Variants in DSCAM observed in about 807,000 individuals in gnomAD.
DSCAM encodes the protein cell adhesion molecule DSCAM.
In DSCAM, 47 loss-of-function variants were observed where a neutral mutation model predicts 217.7. The ratio of observed to expected loss-of-function variants is 0.22; its 90% CI spans 0.17 to 0.28. DSCAM has a LOEUF of 0.28. Among genes scored for constraint, DSCAM ranks in the 10% least tolerant of loss-of-function variants. DSCAM has a pLI of 1.00. For synonymous variants in DSCAM, 1,056 were observed against 1,015.3 expected, an observed-to-expected ratio of 1.04 and a Z score of -0.76; for missense variants, 2,080 against 2,618.3, an observed-to-expected ratio of 0.79 and a Z score of 4.49.
At chr21:40,118,884 G>C (rs534589070) in intron 20 of DSCAM, among the ~76,000 whole-genome samples, 1 of 152,306 alleles carries the variant, frequency 6.6e-6, no homozygotes, top group South Asian at 2.1e-4. Context: ...TGGAACTTCT[G>C]GGTATGGGTT....
At chr21:40,124,948 C>G (rs1457044553) in intron 19 of DSCAM, among the ~76,000 whole-genome samples, 1 of 152,118 alleles carries the variant, frequency 6.6e-6, no homozygotes, top group Non-Finnish European at 1.5e-5. Flanking sequence ...ACTTCTGGAT[C>G]AGTCTCATTT....
chr21:40,532,167 T>C (rs1438074352), intron 3 of DSCAM, among the ~76,000 whole-genome samples: 1 of 152,214 alleles, frequency 6.6e-6, no homozygotes, highest in East Asian at 1.9e-4. Flanking sequence ...TAATACTTTA[T>C]ATAAAAGAGG....
chr21:40,326,484 G>T (rs953710836), intron 8 of DSCAM, among the ~76,000 whole-genome samples: 1 of 152,192 alleles, frequency 6.6e-6, no homozygotes, highest in African/African-American at 2.4e-5. Context: ...AAATGGGGAC[G>T]CTAGAGATGG....
chr21:40,242,149 G>GT (rs376344223), intron 11 of DSCAM, among the ~76,000 whole-genome samples: 156 of 143,792 alleles, frequency 1.1e-3, no homozygotes, highest in East Asian at 2.3e-3. Flanking sequence ...GAACCTAAAA[G>GT]TTTTTTTTTT....
intron 8 of DSCAM, among the ~76,000 whole-genome samples, chr21:40,325,996 G>C (rs2123540910): frequency 6.6e-6 from 1 of 152,188 alleles, no homozygotes; most frequent in Non-Finnish European, 1.5e-5. Context: ...GGCAAACTAA[G>C]CATTCACTTT....
intron 2 of DSCAM, among the ~76,000 whole-genome samples, chr21:40,702,770 G>A (rs1489569899): frequency 6.6e-6 from 1 of 151,548 alleles, no homozygotes; most frequent in East Asian, 1.9e-4. Flanking sequence ...GGGCTTATTA[G>A]CTATAACTCT....
chr21:40,296,303 A>T (rs948262501), intron 9 of DSCAM, 129 bp from the exon 10 acceptor site: 2 of 1,143,656 alleles, frequency 1.7e-6, no homozygotes, highest in African/African-American at 3.2e-5. Context: ...ATGGGACAAT[A>T]AAAACACTAT....
intron 3 of DSCAM, among the ~76,000 whole-genome samples, chr21:40,436,319 G>C (rs963665812): frequency 6.6e-6 from 1 of 152,120 alleles, no homozygotes; most frequent in Non-Finnish European, 1.5e-5. Flanking sequence ...CCCCTGAGAT[G>C]GTTAGTTTAC....
At chr21:40,769,526 G>C (rs2091426508) in intron 1 of DSCAM, among the ~76,000 whole-genome samples, 3 of 152,182 alleles carry the variant, frequency 2.0e-5, no homozygotes, top group South Asian at 4.1e-4. Flanking sequence ...CCCTTTCAGA[G>C]AGTCCCAAAT....
intron 20 of DSCAM, among the ~76,000 whole-genome samples, chr21:40,107,385 CT>C (rs1389430248): frequency 3.3e-5 from 5 of 152,100 alleles, no homozygotes. Flanking sequence ...TGTTTTACTT[CT>C]GATTAATATG....
intron 3 of DSCAM, among the ~76,000 whole-genome samples, chr21:40,595,461 T>A (rs865795371): frequency 6.6e-6 from 1 of 151,896 alleles, no homozygotes. Flanking sequence ...AAAAGAGAAA[T>A]TGCTAGGGAA....
chr21:40,092,692 T>A (rs2089627061), intron 21 of DSCAM, among the ~76,000 whole-genome samples: 1 of 152,194 alleles, frequency 6.6e-6, no homozygotes, highest in South Asian at 2.1e-4. Context: ...TTTTGGTAAA[T>A]CCCACAGCTC....
At chr21:40,128,009 T>C (rs966539914) in intron 19 of DSCAM, among the ~76,000 whole-genome samples, 1 of 151,878 alleles carries the variant, frequency 6.6e-6, no homozygotes, top group African/African-American at 2.4e-5. Context: ...TCTCTCAGGT[T>C]CTAGCACACG....
At chr21:40,519,617 A>G (rs917591858) in intron 3 of DSCAM, among the ~76,000 whole-genome samples, 3 of 152,130 alleles carry the variant, frequency 2.0e-5, no homozygotes, top group Non-Finnish European at 4.4e-5. Flanking sequence ...TAGTGTGAGG[A>G]AGAAATTTCT....
In DSCAM at chr21:40,142,601, G is replaced by A. The variant is rs2090305797; in HGVS notation, c.3363C>T (p.Leu1121=). The change falls in exon 18 of 33, where the codon CTC becomes CTT. Residue 1121 remains leucine, a synonymous_variant. Transcript: ENST00000400454. ...CCCAGTAAATGACTCTGAACCCCTG[G>A]AGAATTCCATTCAAGGCTTCCTTGG... The part of the protein sequence containing the change: ...TLSKEALNGI[L]QGFRVIYWAN... 6.2e-7 allele frequency: 1 copy of A among 1,613,952 alleles called. No individual in the cohort carries two copies. The highest frequency in any genetic ancestry group is 8.5e-7 in the Non-Finnish European group (1 of 1,180,024).
chr21:40,594,136 T>C (rs2077003693), intron 3 of DSCAM, among the ~76,000 whole-genome samples: 1 of 152,152 alleles, frequency 6.6e-6, no homozygotes, highest in South Asian at 2.1e-4. Context: ...ATAAGGCCTG[T>C]AGGAAGATGC....
intron 1 of DSCAM, among the ~76,000 whole-genome samples, chr21:40,821,545 G>A (rs1194976673): frequency 1.3e-5 from 2 of 152,048 alleles, no homozygotes; most frequent in African/African-American, 4.8e-5. Flanking sequence ...AGTTCACAAA[G>A]CTTCCTTTCT....
chr21:40,637,118 T>TATATATAAATATATAAATATATATATAA lies in DSCAM; in HGVS notation c.508+55691_508+55692insTTATATATATATTTATATATTTATATAT, dbSNP rs2089772667. Among the ~76,000 whole-genome samples the TATATATAAATATATAAATATATATATAA allele has an allele frequency of 5.7e-5, 4 of 70,554 alleles. 2 individuals are homozygous for TATATATAAATATATAAATATATATATAA. The highest frequency in any genetic ancestry group is 1.1e-4 in the African/African-American group (2 of 18,146). The allele number at this position is 70,554 out of a possible 152,430, so 46.3% of individuals were successfully genotyped here. On this transcript the variant is annotated intron_variant, in intron 3 of 32. Transcript: ENST00000400454. Reference sequence around the variant, plus strand: ...GAGGCCCTTCTCATTCATATATATATATATATATATAAATATATAAATATA... The same window carrying TATATATAAATATATAAATATATATATAA: ...GAGGCCCTTCTCATTCATATATATATATATATAAATATATAAATATATATATAAATATATATATAAATATATAAATATA...
chr21:40,071,110 G>C (rs530187264), intron 27 of DSCAM, among the ~76,000 whole-genome samples: 5 of 152,270 alleles, frequency 3.3e-5, no homozygotes, highest in African/African-American at 9.6e-5. Flanking sequence ...TATTGGAGTT[G>C]ATTACTTGAC....
Sources: gnomAD v4.1 joint callset for allele counts (sites outside exome capture counted in the v4.1 genomes callset) on GRCh38, gnomAD v4.1.1 for gene constraint, MANE v1.5 for transcripts, NCBI Gene and HGNC (gene_info 2026-07-23, HGNC 2026-07-21) for gene names.